The following UNC5D variants were observed in gnomAD, a reference collection of about 807,000 sequenced individuals.
UNC5D encodes the protein netrin receptor UNC5D.
UNC5D carries 39 observed loss-of-function variants against 105.4 expected under a neutral mutation model. The observed-to-expected ratio is 0.37, with a 90% confidence interval of 0.29 to 0.48. UNC5D has a LOEUF of 0.48. Among genes scored for constraint, UNC5D ranks in the 20% least tolerant of loss-of-function variants. UNC5D has a pLI of 0.98. For missense variants in UNC5D, 991 were observed against 1,202.4 expected, an observed-to-expected ratio of 0.82 and a Z score of 2.60; for synonymous variants, 452 against 450.4, an observed-to-expected ratio of 1.00 and a Z score of -0.04.
chr8:35,312,100 C>T (rs1191965511), intron 1 of UNC5D, among the ~76,000 whole-genome samples: 1 of 152,148 alleles, frequency 6.6e-6, no homozygotes, highest in Non-Finnish European at 1.5e-5. Flanking sequence ...CATTGTTTTT[C>T]AATTAATTAA....
rs1803106188 is a variant in UNC5D at position 35,792,904 on chromosome 8, A to G, written c.*2341A>G. 1 of 409,192 alleles carries G rather than the reference A, an allele frequency of 2.4e-6. No homozygotes were observed. The highest frequency in any genetic ancestry group is 4.7e-6 in the Non-Finnish European group (1 of 212,130). 25.3% of individuals were successfully genotyped at this position (409,192 alleles called of 1,614,324 possible). On this transcript the variant is annotated 3_prime_UTR_variant, in exon 17 of 17. Coordinates refer to ENST00000404895, the MANE Select transcript of UNC5D (RefSeq NM_080872.4). ...AAATGATTTTCCCTCAAATCTATCTAGATTATTTTAAGATGAGACAAGATT... is the reference window on the plus strand; with the variant it reads ...AAATGATTTTCCCTCAAATCTATCTGGATTATTTTAAGATGAGACAAGATT...
chr8:35,734,405 ATTTCTTTC>A (rs570469465), intron 11 of UNC5D, among the ~76,000 whole-genome samples: 3 of 140,348 alleles, frequency 2.1e-5, no homozygotes, highest in Non-Finnish European at 4.6e-5. Flanking sequence ...GACTTGGGGT[ATTTCTTTC>A]TTTCTTTATT....
In UNC5D at chr8:35,467,881, A is replaced by C. The variant is rs563372391; in HGVS notation, c.104-81411A>C. Among the ~76,000 whole-genome samples the C allele has an allele frequency of 5.3e-5, 8 of 152,336 alleles. No individual in the cohort carries two copies. In the East Asian group the frequency reaches 1.5e-3, roughly 29 times the overall value. On this transcript the variant is annotated intron_variant, in intron 1 of 16. Transcript: ENST00000404895. ...CTTTTTAGTGGGAGATTGTTTGAGA[A>C]GTAGTATTAGATCACCAATGACCAA... is the stretch of plus-strand genomic sequence containing the variant.
intron 1 of UNC5D, among the ~76,000 whole-genome samples, chr8:35,532,470 G>C (rs1404967201): frequency 5.2e-5 from 5 of 95,654 alleles, no homozygotes; most frequent in African/African-American, 1.5e-4. Context: ...CTCTCTGGCT[G>C]CCCTTAACAT....
intron 4 of UNC5D, among the ~76,000 whole-genome samples, chr8:35,656,794 T>A (rs1823765250): frequency 6.6e-6 from 1 of 152,028 alleles, no homozygotes; most frequent in Non-Finnish European, 1.5e-5. Flanking sequence ...AGCAGCACAG[T>A]TCAGGAAGAA....
At chr8:35,596,851 G>A (rs889772171) in intron 4 of UNC5D, among the ~76,000 whole-genome samples, 1 of 152,124 alleles carries the variant, frequency 6.6e-6, no homozygotes, top group South Asian at 2.1e-4. Context: ...TGAATGGGAG[G>A]CAGGTTGGCC....
chr8:35,695,848 T>C (rs983404362), intron 7 of UNC5D, among the ~76,000 whole-genome samples: 2 of 151,818 alleles, frequency 1.3e-5, no homozygotes, highest in Non-Finnish European at 2.9e-5. Context: ...AATTATCCTG[T>C]CTCAGCCTCC....
At chr8:35,546,602 G>A (rs1370872928) in intron 1 of UNC5D, among the ~76,000 whole-genome samples, 1 of 152,140 alleles carries the variant, frequency 6.6e-6, no homozygotes, top group Non-Finnish European at 1.5e-5. Context: ...CAGAACTAAA[G>A]CCCCTAATAG....
intron 1 of UNC5D, among the ~76,000 whole-genome samples, chr8:35,485,271 G>T (rs1810753031): frequency 6.6e-6 from 1 of 152,114 alleles, no homozygotes; most frequent in Non-Finnish European, 1.5e-5. Context: ...AGTAATAATT[G>T]TTCCTACATC....
intron 1 of UNC5D, among the ~76,000 whole-genome samples, chr8:35,329,918 C>T (rs904081470): frequency 5.3e-5 from 8 of 152,276 alleles, no homozygotes; most frequent in Non-Finnish European, 1.0e-4. Flanking sequence ...TAATGGCTAA[C>T]ATTGAATGAA....
chr8:35,270,483 T>G (rs1805204135), intron 1 of UNC5D, among the ~76,000 whole-genome samples: 1 of 152,194 alleles, frequency 6.6e-6, no homozygotes, highest in South Asian at 2.1e-4. Context: ...TGAGTTAATT[T>G]TTAACCCTAG....
intron 1 of UNC5D, among the ~76,000 whole-genome samples, chr8:35,259,476 G>A (rs1346569841): frequency 6.6e-6 from 1 of 152,110 alleles, no homozygotes; most frequent in African/African-American, 2.4e-5. Context: ...CTGCTGCCTC[G>A]TGTTTTATTT....
At chr8:35,607,933 T>C (rs996769693) in intron 4 of UNC5D, among the ~76,000 whole-genome samples, 3 of 152,190 alleles carry the variant, frequency 2.0e-5, no homozygotes, top group Admixed American at 6.5e-5. Context: ...CCTCCACCGA[T>C]TGCAGCTTCA....
chr8:35,595,892 G>A (rs1352943618), intron 4 of UNC5D, among the ~76,000 whole-genome samples: 3 of 152,192 alleles, frequency 2.0e-5, no homozygotes, highest in Non-Finnish European at 4.4e-5. Flanking sequence ...GCCTGGGTAG[G>A]ATTTGACCTG....
chr8:35,462,840 G>T (rs1329821443), intron 1 of UNC5D, among the ~76,000 whole-genome samples: 1 of 152,102 alleles, frequency 6.6e-6, no homozygotes, highest in African/African-American at 2.4e-5. Flanking sequence ...TTATAAGGGG[G>T]GTTGGTCTCA....
rs752599540 is a variant in UNC5D at position 35,300,446 on chromosome 8, CAAAAAAAAAAAAAAAAAAAAAAAAA to C, written c.103+64583_103+64607del. 9.9e-4 allele frequency among the ~76,000 whole-genome samples: 58 copies of C among 58,388 alleles called. 1 individual carries two copies. Among genetic ancestry groups the C allele is most frequent in the Non-Finnish European group, 1.4e-3 (42 of 30,134 alleles). 38.3% of individuals were successfully genotyped at this position (58,388 alleles called of 152,430 possible). A position where few individuals can be genotyped will look rare whatever the true frequency, so the allele number is the denominator to read the frequency against. ...TGGGCAACAGAGAGAGACTCCCTCT[CAAAAAAAAAAAAAAAAAAAAAAAAA>C]AAAAAAAAAAAAAAAAAAAAAAAGC... On this transcript the variant is annotated intron_variant, in intron 1 of 16. Coordinates refer to ENST00000404895, the MANE Select transcript of UNC5D (RefSeq NM_080872.4).
In UNC5D at chr8:35,340,706, A is replaced by G. The variant is rs1811398954; in HGVS notation, c.103+104819A>G. 2.0e-5 allele frequency among the ~76,000 whole-genome samples: 3 copies of G among 152,158 alleles called. No individual in the cohort carries two copies. In the South Asian group the frequency reaches 6.2e-4, roughly 31 times the overall value. ...TACCCACTGTGTGCAAAGCATGGTG[A>G]ACAACAGGCACTCTTACTTGAGGAC... On this transcript the variant is annotated intron_variant, in intron 1 of 16. Coordinates refer to ENST00000404895, the MANE Select transcript of UNC5D (RefSeq NM_080872.4).
intron 1 of UNC5D, among the ~76,000 whole-genome samples, chr8:35,506,934 GATTT>G (rs1010709931): frequency 4.6e-5 from 7 of 151,254 alleles, no homozygotes; most frequent in African/African-American, 1.7e-4. Context: ...TTGCTTTAAT[GATTT>G]ATTTCATAAT....
intron 1 of UNC5D, among the ~76,000 whole-genome samples, chr8:35,450,558 T>C (rs988431857): frequency 6.6e-6 from 1 of 152,196 alleles, no homozygotes; most frequent in African/African-American, 2.4e-5. Context: ...TATCGTTGCC[T>C]GTATTCTTCA....
Sources: gnomAD v4.1 joint callset for allele counts (sites outside exome capture counted in the v4.1 genomes callset) on GRCh38, gnomAD v4.1.1 for gene constraint, MANE v1.5 for transcripts, NCBI Gene and HGNC (gene_info 2026-07-23, HGNC 2026-07-21) for gene names.